AK5: variants seen among roughly 807,000 people sequenced by gnomAD.
AK5 encodes adenylate kinase isoenzyme 5.
AK5 carries 27 observed loss-of-function variants against 69.5 expected under a neutral mutation model. The ratio of observed to expected loss-of-function variants is 0.39; its 90% CI spans 0.29 to 0.54. The LOEUF (loss-of-function observed/expected upper bound fraction) is 0.54. Among genes scored for constraint, AK5 ranks in the 20% least tolerant of loss-of-function variants. The pLI is 0.71. For synonymous variants in AK5, 260 were observed against 244.4 expected, an observed-to-expected ratio of 1.06 and a Z score of -0.60; for missense variants, 531 against 700.4, an observed-to-expected ratio of 0.76 and a Z score of 2.73.
At chr1:77,367,283 C>T (rs1646967384) in intron 6 of AK5, among the ~76,000 whole-genome samples, 1 of 151,364 alleles carries the variant, frequency 6.6e-6, no homozygotes, top group African/African-American at 2.4e-5. Flanking sequence ...ATATCTTGGG[C>T]ATAGGACCCA....
At chr1:77,370,146 A>G (rs2602942) in intron 6 of AK5, among the ~76,000 whole-genome samples, 151,336 of 152,244 alleles carry the variant, frequency 0.99, 75,223 homozygotes, top group East Asian at 1. Context: ...GAGACTAGAC[A>G]GGTGTCTTCT....
intron 10 of AK5, among the ~76,000 whole-genome samples, chr1:77,493,656 T>G (rs548579321): frequency 3.3e-5 from 5 of 152,030 alleles, no homozygotes; most frequent in African/African-American, 7.2e-5. Flanking sequence ...ACACCAGATC[T>G]CCACAGTTCT....
rs1424118552 is a variant in AK5 at position 77,361,633 on chromosome 1, G to GA, written c.891+21068dup. ...TACTGAGACTGGGCAATTTATAAAA[G>GA]AAAGAGTTTAATTAGACTCACAGTT... On this transcript the variant is annotated intron_variant, in intron 6 of 13. Coordinates refer to ENST00000354567, the MANE Select transcript of AK5 (RefSeq NM_174858.3). Among the ~76,000 whole-genome samples the GA allele has an allele frequency of 2.6e-5, 4 of 152,264 alleles. No individual in the cohort carries two copies. In the East Asian group the frequency reaches 7.7e-4, roughly 29 times the overall value.
At chr1:77,287,202 C>T (rs988651925) in intron 2 of AK5, 75 bp downstream of exon 2, 4 of 1,075,054 alleles carry the variant, frequency 3.7e-6, no homozygotes, top group African/African-American at 3.3e-5. Context: ...ATAGACTATA[C>T]ACAGTGATTT....
chr1:77,515,856 G>A (rs1657613792), intron 10 of AK5, among the ~76,000 whole-genome samples: 1 of 152,176 alleles, frequency 6.6e-6, no homozygotes, highest in South Asian at 2.1e-4. Context: ...TTCAAGACCA[G>A]CCTGGGCAAC....
chr1:77,484,139 G>A (rs12756133), intron 9 of AK5, among the ~76,000 whole-genome samples: 23,816 of 147,206 alleles, frequency 0.16, 2,097 homozygotes, highest in Admixed American at 0.22. Flanking sequence ...CACTCTTGGC[G>A]ACAGAGTGAG....
At chr1:77,371,690 C>T (rs538419264) in intron 6 of AK5, among the ~76,000 whole-genome samples, 2 of 152,154 alleles carry the variant, frequency 1.3e-5, no homozygotes, top group African/African-American at 4.8e-5. Context: ...TGAATAACTC[C>T]TCCTCTACAG....
intron 6 of AK5, among the ~76,000 whole-genome samples, chr1:77,375,148 A>G (rs1006659099): frequency 3.3e-5 from 5 of 152,212 alleles, no homozygotes; most frequent in African/African-American, 9.7e-5. Context: ...ATACTTGGCC[A>G]AGTCACTGAG....
At chr1:77,367,779 A>ACCTTATATGTTAT (rs1557533869) in intron 6 of AK5, among the ~76,000 whole-genome samples, 1 of 10,420 alleles carries the variant, frequency 9.6e-5, no homozygotes, top group Non-Finnish European at 2.1e-4. Flanking sequence ...TGTTATATAT[A>ACCTTATATGTTAT]ATATATGTTA....
chr1:77,399,804 G>T (rs544130554), intron 6 of AK5, among the ~76,000 whole-genome samples: 4 of 152,302 alleles, frequency 2.6e-5, no homozygotes, highest in African/African-American at 9.6e-5. Context: ...AAAAGGCAGG[G>T]TTATTTGCAA....
At chr1:77,530,093 C>T (rs768465181) in intron 12 of AK5, among the ~76,000 whole-genome samples, 17 of 152,224 alleles carry the variant, frequency 1.1e-4, no homozygotes, top group Non-Finnish European at 1.6e-4. Context: ...CACACACACA[C>T]GTGCACATAT....
chr1:77,462,768 G>C (rs1653919677), intron 8 of AK5, among the ~76,000 whole-genome samples: 1 of 152,142 alleles, frequency 6.6e-6, no homozygotes, highest in Admixed American at 6.5e-5. Flanking sequence ...TGGTGGTACT[G>C]TTCCCTATAC....
intron 9 of AK5, 70 bp downstream of exon 9, chr1:77,483,429 C>T (rs1370355872): frequency 8.2e-7 from 1 of 1,218,254 alleles, no homozygotes; most frequent in Non-Finnish European, 1.2e-6. Context: ...TTTAATTAAA[C>T]ATCAACTTGA....
At chr1:77,454,124 G>C (rs917737017) in intron 8 of AK5, among the ~76,000 whole-genome samples, 42 of 152,200 alleles carry the variant, frequency 2.8e-4, no homozygotes, top group African/African-American at 9.9e-4. Context: ...CGGCATCCAT[G>C]CTGCTGTGAC....
intron 10 of AK5, among the ~76,000 whole-genome samples, chr1:77,500,677 G>A (rs1046467279): frequency 6.6e-6 from 1 of 152,092 alleles, no homozygotes; most frequent in African/African-American, 2.4e-5. Flanking sequence ...AGCTACTCGG[G>A]AGGCTGAGGC....
intron 10 of AK5, 130 bp downstream of exon 10, chr1:77,486,482 T>C: frequency 5.5e-6 from 3 of 549,926 alleles, no homozygotes; most frequent in Non-Finnish European, 9.5e-6. Context: ...GATCACGAGG[T>C]CAGGAGATCG....
intron 8 of AK5, among the ~76,000 whole-genome samples, chr1:77,443,915 A>G (rs1209090868): frequency 6.6e-6 from 1 of 151,792 alleles, no homozygotes; most frequent in Non-Finnish European, 1.5e-5. Context: ...CATCTCACAT[A>G]GTTACCTTTT....
intron 6 of AK5, among the ~76,000 whole-genome samples, chr1:77,397,844 G>A (rs1358652770): frequency 6.6e-6 from 1 of 152,218 alleles, no homozygotes; most frequent in Non-Finnish European, 1.5e-5. Context: ...AGAGACTGCA[G>A]TAAGCTATAA....
intron 6 of AK5, among the ~76,000 whole-genome samples, chr1:77,341,429 C>G (rs968632813): frequency 6.6e-6 from 1 of 152,182 alleles, no homozygotes; most frequent in Non-Finnish European, 1.5e-5. Flanking sequence ...CGGGCCCGGG[C>G]CAGTGGACCA....
Sources: allele counts gnomAD v4.1 joint callset (sites outside exome capture counted in the v4.1 genomes callset), GRCh38; gene constraint gnomAD v4.1.1; transcripts MANE v1.5; gene names NCBI Gene and HGNC (gene_info 2026-07-23, HGNC 2026-07-21).